CUX1: variants seen among roughly 807,000 people sequenced by gnomAD.
CUX1 encodes the protein cut like homeobox 1.
A neutral mutation model predicts 158.8 loss-of-function variants in CUX1; 31 were observed. The observed-to-expected ratio is 0.20, with a 90% CI of 0.15 to 0.26. CUX1 has a LOEUF of 0.26. CUX1 is among the 10% of genes least tolerant of loss of function. The pLI, the probability that CUX1 is intolerant of heterozygous loss-of-function variation, is 1.00. For synonymous variants in CUX1, 879 were observed against 862.1 expected, an observed-to-expected ratio of 1.02 and a Z score of -0.34; for missense variants, 1,589 against 2,014.6, an observed-to-expected ratio of 0.79 and a Z score of 4.04.
intron 8 of CUX1, among the ~76,000 whole-genome samples, chr7:102,151,257 T>G (rs185980289): frequency 6.1e-4 from 93 of 152,120 alleles, no homozygotes; most frequent in Non-Finnish European, 1.1e-3. Flanking sequence ...AGTGGATGAT[T>G]AAGACTGGGG....
At chr7:102,233,852 C>T (rs1799254538) in intron 21 of CUX1, among the ~76,000 whole-genome samples, 200 bp from the exon 22 acceptor site, 1 of 152,132 alleles carries the variant, frequency 6.6e-6, no homozygotes, top group African/African-American at 2.4e-5. Context: ...AGAGCAATGC[C>T]AACTCCCTGG....
chr7:101,830,575 C>T (rs556324252), intron 1 of CUX1, among the ~76,000 whole-genome samples: 3 of 152,246 alleles, frequency 2.0e-5, no homozygotes, highest in South Asian at 2.1e-4. Flanking sequence ...GCCTCAGCCT[C>T]CTTTGTAGCT....
In CUX1 at chr7:102,062,296, T is replaced by C. The variant is rs7806438; in HGVS notation, c.190-8043T>C. ...CTCCTCCAGGGAGCCTAGATGGTAG[T>C]TGGGAGCGGCAGCAGCATATTCCAT... On this transcript the variant is annotated intron_variant, in intron 3 of 23. Coordinates refer to ENST00000292535, the MANE Select transcript of CUX1 (RefSeq NM_181552.4). Among the ~76,000 whole-genome samples, 695 of 152,234 alleles carry C rather than the reference T, an allele frequency of 4.6e-3. 4 individuals carry two copies. Among genetic ancestry groups the C allele is most frequent in the African/African-American group, 0.016 (670 of 41,560 alleles).
intron 5 of CUX1, among the ~76,000 whole-genome samples, chr7:102,098,029 CAG>C (rs1250843300): frequency 1.3e-5 from 2 of 152,206 alleles, no homozygotes; most frequent in African/African-American, 4.8e-5. Context: ...GTCAACAAGA[CAG>C]AGAGGGCAAA....
At chr7:102,112,117 A>C (rs923506977) in intron 7 of CUX1, 5 of 185,618 alleles carry the variant, frequency 2.7e-5, no homozygotes, top group East Asian at 1.3e-4. Flanking sequence ...AAAAAAAAAA[A>C]AAAACTCACT....
At chr7:102,240,334 T>G (rs1219134407) in intron 23 of CUX1, among the ~76,000 whole-genome samples, 19 of 152,186 alleles carry the variant, frequency 1.2e-4, no homozygotes, top group African/African-American at 4.6e-4. Flanking sequence ...AGTGGTGCAA[T>G]CATAGCTTAC....
At chr7:101,999,167 G>A (rs1474431014) in intron 2 of CUX1, among the ~76,000 whole-genome samples, 5 of 149,490 alleles carry the variant, frequency 3.3e-5, no homozygotes, top group Non-Finnish European at 5.9e-5. Flanking sequence ...AGCAGCTGTC[G>A]CCTCCACTCT....
intron 1 of CUX1, among the ~76,000 whole-genome samples, chr7:101,897,168 T>C (rs1211155590): frequency 1.3e-5 from 2 of 152,232 alleles, no homozygotes; most frequent in Non-Finnish European, 2.9e-5. Flanking sequence ...TTAATGAGGT[T>C]TCAAACTCTC....
rs529873447 is a variant in CUX1 at position 102,024,082 on chromosome 7, G to A, written c.142-4016G>A. 6.6e-5 allele frequency among the ~76,000 whole-genome samples: 10 copies of A among 152,320 alleles called. No individual in the cohort carries two copies. In the South Asian group the frequency reaches 1.2e-3, roughly 19 times the overall value. ...TGTACTTCTCAGAGCTGGTGTTTGC[G>A]TGAGGCTGGCCCTGTGCCAGGTTGG... On this transcript the variant is annotated intron_variant, in intron 2 of 23. Coordinates refer to ENST00000292535, the MANE Select transcript of CUX1 (RefSeq NM_181552.4).
chr7:101,863,096 C>T (rs755997913), intron 1 of CUX1, among the ~76,000 whole-genome samples: 17 of 152,178 alleles, frequency 1.1e-4, no homozygotes, highest in South Asian at 4.2e-4. Flanking sequence ...TTTTGCCATC[C>T]ACAGATACAT....
Position 102,275,094 on chromosome 7 carries a change from C to T in CUX1, c.1451-153C>T, listed in dbSNP as rs77680367. 2.8e-3 allele frequency among the ~76,000 whole-genome samples: 430 copies of T among 152,280 alleles called. 3 individuals are homozygous for T. The highest frequency in any genetic ancestry group is 0.01 in the African/African-American group (420 of 41,556). The stretch of plus-strand genomic sequence containing the variant: ...CCCCTGGCTGTCCCCTCCCCTTCCC[C>T]GACCTGCCCAGCACCAGGGAGTCAG... On this transcript the variant is annotated intron_variant, in intron 16 of 22. Coordinates refer to the CUX1 transcript ENST00000292538.
At chr7:102,058,521 G>C (rs1824413904) in intron 3 of CUX1, among the ~76,000 whole-genome samples, 1 of 152,002 alleles carries the variant, frequency 6.6e-6, no homozygotes. Flanking sequence ...GACCTCAGGT[G>C]ATCTGCCTTT....
Position 102,201,018 on chromosome 7 carries a change from C to G in CUX1, c.2063-342C>G, listed in dbSNP as rs964849961. 1.8e-5 allele frequency among the ~76,000 whole-genome samples: 2 copies of G among 110,356 alleles called. No homozygotes were observed. The highest frequency in any genetic ancestry group is 3.8e-5 in the African/African-American group (1 of 26,168). The allele number at this position is 110,356 out of a possible 152,430, so 72.4% of individuals were successfully genotyped here. ...CTCCAGCCTGGACAACAGCGAGATC[C>G]TGTCGCTAAAAAAAAAAAAAAAAAA... On this transcript the variant is annotated intron_variant, in intron 17 of 23. Transcript: ENST00000292535. The surrounding 1 kb of genome is among the most constrained non-coding windows in gnomAD (Gnocchi z 5.0).
intron 11 of CUX1, among the ~76,000 whole-genome samples, chr7:102,189,395 T>TA (rs781927755): frequency 8.3e-5 from 9 of 108,824 alleles, no homozygotes; most frequent in African/African-American, 1.9e-4. Flanking sequence ...TTTTTTTTTT[T>TA]AAAAAAAAAA....
chr7:101,875,290 T>G (rs1434981516), intron 1 of CUX1, among the ~76,000 whole-genome samples: 4 of 152,088 alleles, frequency 2.6e-5, no homozygotes, highest in Non-Finnish European at 5.9e-5. Context: ...GGGGTGATGT[T>G]TTTTGTTGTT....
At chr7:102,186,036 C>T (rs1181504462) in intron 11 of CUX1, among the ~76,000 whole-genome samples, 5 of 152,330 alleles carry the variant, frequency 3.3e-5, no homozygotes, top group African/African-American at 4.8e-5. Context: ...TCTTCAGAGA[C>T]ATTGGGAAAC....
chr7:102,056,218 A>G (rs1475133479), intron 3 of CUX1, among the ~76,000 whole-genome samples: 1 of 152,248 alleles, frequency 6.6e-6, no homozygotes, highest in Admixed American at 6.5e-5. Flanking sequence ...AGCTAAGATA[A>G]TCAACGAAGA....
Position 102,051,819 on chromosome 7 carries a change from C to T in CUX1, c.190-18520C>T, listed in dbSNP as rs562364675. Among the ~76,000 whole-genome samples, 18 of 152,262 alleles carry T rather than the reference C, an allele frequency of 1.2e-4. No individual in the cohort carries two copies. In the East Asian group the frequency reaches 1.7e-3, roughly 15 times the overall value. ...TACTTTTCACTGTCAACTTTGTTTT[C>T]GCTTTGCTTTTCTTTTTACAATTAA... On this transcript the variant is annotated intron_variant, in intron 3 of 23. Coordinates refer to ENST00000292535, the MANE Select transcript of CUX1 (RefSeq NM_181552.4).
chr7:102,000,020 C>T (rs1816484218), intron 2 of CUX1, among the ~76,000 whole-genome samples: 1 of 152,158 alleles, frequency 6.6e-6, no homozygotes, highest in Admixed American at 6.5e-5. Context: ...AGCTCAAGAC[C>T]AGCCTGGCCA....
Sources: gnomAD v4.1 joint callset for allele counts (sites outside exome capture counted in the v4.1 genomes callset) on GRCh38, gnomAD v4.1.1 for gene constraint, Gnocchi (gnomAD v3.1) non-coding constraint, MANE v1.5 for transcripts, NCBI Gene and HGNC (gene_info 2026-07-23, HGNC 2026-07-21) for gene names.